Variants in RBFOX1 observed in about 807,000 individuals in gnomAD.
The protein encoded by RBFOX1 is RNA binding protein fox-1 homolog 1.
Under a neutral mutation model 57.7 loss-of-function variants are expected in RBFOX1, and 8 were observed. The observed-to-expected ratio is 0.14, with a 90% CI of 0.08 to 0.25. The LOEUF (loss-of-function observed/expected upper bound fraction) is 0.25. Among genes scored for constraint, RBFOX1 ranks in the 10% least tolerant of loss-of-function variants. RBFOX1 has a pLI of 1.00. For synonymous variants in RBFOX1, 326 were observed against 222.4 expected (o/e 1.47, Z -4.15); for missense variants, 611 against 548.5 (o/e 1.11, Z -1.14).
At chr16:6,923,145 C>G (rs1367796734) in intron 3 of RBFOX1, among the ~76,000 whole-genome samples, 1 of 152,144 alleles carries the variant, frequency 6.6e-6, no homozygotes, top group South Asian at 2.1e-4. Flanking sequence ...AGCAGCTGGT[C>G]CAGTGTGAGT....
intron 3 of RBFOX1, among the ~76,000 whole-genome samples, chr16:6,770,611 G>A (rs888680660): frequency 6.6e-6 from 1 of 151,344 alleles, no homozygotes; most frequent in East Asian, 1.9e-4. Flanking sequence ...TTTTTTTAAT[G>A]TGAGAAAAGA....
intron 2 of RBFOX1, among the ~76,000 whole-genome samples, chr16:6,442,093 C>T (rs779931671): frequency 6.6e-6 from 1 of 152,188 alleles, no homozygotes; most frequent in African/African-American, 2.4e-5. Context: ...CCTTCCCTCA[C>T]AGGCTGCCGG....
intron 4 of RBFOX1, among the ~76,000 whole-genome samples, chr16:7,493,463 A>G (rs559265610): frequency 2.0e-5 from 3 of 152,236 alleles, no homozygotes; most frequent in Non-Finnish European, 4.4e-5. Flanking sequence ...GGACCTATGC[A>G]GACAGATTTA....
At chr16:6,792,635 C>G (rs1048366701) in intron 3 of RBFOX1, among the ~76,000 whole-genome samples, 5 of 152,024 alleles carry the variant, frequency 3.3e-5, no homozygotes, top group East Asian at 1.9e-4. Flanking sequence ...ACATTGCTGT[C>G]TATGGTAACT....
chr16:6,750,823 C>G lies in RBFOX1; in HGVS notation c.-16+96173C>G, dbSNP rs8047604. 3.3e-5 allele frequency among the ~76,000 whole-genome samples: 5 copies of G among 152,104 alleles called. No homozygotes were observed. The East Asian group carries it at 9.7e-4, about 30-fold the overall frequency. On this transcript the variant is annotated intron_variant, in intron 3 of 15. Transcript: ENST00000550418. The stretch of plus-strand genomic sequence containing the variant: ...AACATAAATAGTTAATAACAATAAA[C>G]GCCAAAGGGGGATGTGTGTGATGAT...
At chr16:7,612,049 C>T (rs533738724) in intron 10 of RBFOX1, among the ~76,000 whole-genome samples, 43 of 152,072 alleles carry the variant, frequency 2.8e-4, no homozygotes, top group African/African-American at 7.0e-4. Context: ...TTGCCGGGCG[C>T]GGTGGCTCAC....
intron 3 of RBFOX1, among the ~76,000 whole-genome samples, chr16:6,761,882 C>A (rs770298507): frequency 1.3e-5 from 2 of 152,050 alleles, no homozygotes; most frequent in Non-Finnish European, 2.9e-5. Flanking sequence ...CAAGCAGGTA[C>A]CTTCTTCCTC....
intron 5 of RBFOX1, among the ~76,000 whole-genome samples, chr16:7,560,272 A>G (rs2090006071): frequency 6.6e-6 from 1 of 151,970 alleles, no homozygotes; most frequent in East Asian, 1.9e-4. Context: ...TGGCTTACCC[A>G]CCCTCCCTAC....
chr16:7,433,964 G>A (rs1480891691), intron 4 of RBFOX1, among the ~76,000 whole-genome samples: 2 of 152,162 alleles, frequency 1.3e-5, no homozygotes, highest in Admixed American at 6.5e-5. Flanking sequence ...ATAGTTAAGT[G>A]CAATTTTGAG....
chr16:6,494,835 T>A (rs8048409), intron 2 of RBFOX1, among the ~76,000 whole-genome samples: 13,053 of 152,294 alleles, frequency 0.086, 657 homozygotes, highest in Middle Eastern at 0.12. Flanking sequence ...TGTTTATTTT[T>A]ACATAAACAC....
At chr16:7,227,211 CTG>C (rs2093181000) in intron 4 of RBFOX1, among the ~76,000 whole-genome samples, 1 of 151,858 alleles carries the variant, frequency 6.6e-6, no homozygotes, top group Non-Finnish European at 1.5e-5. Context: ...TCTTCTTTAA[CTG>C]TTGCAAAACA....
chr16:6,675,678 T>C (rs2057513944), intron 3 of RBFOX1, among the ~76,000 whole-genome samples: 1 of 152,180 alleles, frequency 6.6e-6, no homozygotes, highest in Non-Finnish European at 1.5e-5. Context: ...AAGGAAAGCA[T>C]GTGTTACATG....
chr16:5,410,404 A>G (rs1567467496), intron 1 of RBFOX1, among the ~76,000 whole-genome samples: 1 of 152,104 alleles, frequency 6.6e-6, no homozygotes, highest in Non-Finnish European at 1.5e-5. Context: ...ATCATTGTGC[A>G]TGTCTCTTGT....
At chr16:6,936,078 G>A (rs559741227) in intron 3 of RBFOX1, among the ~76,000 whole-genome samples, 1 of 152,190 alleles carries the variant, frequency 6.6e-6, no homozygotes, top group Non-Finnish European at 1.5e-5. Context: ...CTGACTGCGG[G>A]CATTTCCTTA....
intron 4 of RBFOX1, among the ~76,000 whole-genome samples, chr16:7,477,999 C>G (rs1219637072): frequency 6.6e-6 from 1 of 152,158 alleles, no homozygotes; most frequent in East Asian, 1.9e-4. Flanking sequence ...AATTTGAATT[C>G]CTCCTTCTCT....
At chr16:6,677,272 G>T (rs1489016586) in intron 3 of RBFOX1, among the ~76,000 whole-genome samples, 2 of 152,224 alleles carry the variant, frequency 1.3e-5, no homozygotes, top group South Asian at 2.1e-4. Context: ...CTGTTAGAAG[G>T]CACAGAATTA....
chr16:6,451,018 A>T (rs1452223174), intron 2 of RBFOX1, among the ~76,000 whole-genome samples: 1 of 149,866 alleles, frequency 6.7e-6, no homozygotes, highest in Non-Finnish European at 1.5e-5. Context: ...TGCCATAAAT[A>T]GACAGGATAT....
chr16:6,104,132 A>AACAC (rs112249231), intron 1 of RBFOX1, among the ~76,000 whole-genome samples: 38,370 of 148,310 alleles, frequency 0.26, 5,430 homozygotes, highest in Middle Eastern at 0.37. Context: ...TCCCAGTTGA[A>AACAC]ACACACACAC....
chr16:5,917,931 A>T (rs1023435707), intron 4 of RBFOX1, among the ~76,000 whole-genome samples: 1 of 151,826 alleles, frequency 6.6e-6, no homozygotes, highest in African/African-American at 2.4e-5. Context: ...CTAGAATATG[A>T]TCCTCTCTCT....
Sources: gnomAD v4.1 joint callset for allele counts (sites outside exome capture counted in the v4.1 genomes callset) on GRCh38, gnomAD v4.1.1 for gene constraint, MANE v1.5 for transcripts, NCBI Gene and HGNC (gene_info 2026-07-23, HGNC 2026-07-21) for gene names.